Variants in ITPK1 observed in about 807,000 individuals in gnomAD.
ITPK1 encodes inositol 1,3,4-trisphosphate 5/6-kinase.
Under a neutral mutation model 45.3 loss-of-function variants are expected in ITPK1, and 21 were observed. The ratio of observed to expected loss-of-function variants is 0.46; its 90% CI spans 0.33 to 0.67. ITPK1 has a LOEUF of 0.67. ITPK1 is among the 30% of genes least tolerant of loss of function. The pLI is 0.02. For synonymous variants in ITPK1, 258 were observed against 253.6 expected, an observed-to-expected ratio of 1.02 and a Z score of -0.16; for missense variants, 474 against 573.5, an observed-to-expected ratio of 0.83 and a Z score of 1.77.
At chr14:93,040,277 G>A (rs1033712330) in intron 3 of ITPK1, among the ~76,000 whole-genome samples, 4 of 152,220 alleles carry the variant, frequency 2.6e-5, no homozygotes, top group Non-Finnish European at 5.9e-5. Flanking sequence ...CTGGGCTTCA[G>A]CTACATGAAG....
Position 92,940,619 on chromosome 14 carries a change from C to T in ITPK1, c.*942G>A. The T allele has an allele frequency of 4.1e-6, 5 of 1,221,264 alleles. No homozygotes were observed. Among genetic ancestry groups the T allele is most frequent in the Non-Finnish European group, 5.2e-6 (5 of 956,090 alleles). 75.7% of individuals were successfully genotyped at this position (1,221,264 alleles called of 1,614,324 possible). A position where few individuals can be genotyped will look rare whatever the true frequency, so the allele number is the denominator to read the frequency against. ...ATGCCGAGGCTCCCGCGCCTATCCT[C>T]ACCTAGGTGACTTTATGGAAAGGCA... On this transcript the variant is annotated 3_prime_UTR_variant, in exon 11 of 11. Coordinates refer to ENST00000267615, the MANE Select transcript of ITPK1 (RefSeq NM_014216.6).
intron 10 of ITPK1, 149 bp downstream of exon 10, chr14:92,946,182 G>C: frequency 1.1e-6 from 1 of 883,362 alleles, no homozygotes; most frequent in East Asian, 2.5e-5. Flanking sequence ...CGCAGGTGAG[G>C]CTGAGGCTTC....
chr14:92,941,442 T>TA lies in ITPK1; in HGVS notation c.*118dup, dbSNP rs968133711. ...GACATCAGAGAATCAGGTTAAAAATTAAAAAACAGAAGAATCAGATCACTG... is the reference window on the plus strand; with the variant it reads ...GACATCAGAGAATCAGGTTAAAAATTAAAAAAACAGAAGAATCAGATCACTG... On this transcript the variant is annotated 3_prime_UTR_variant, in exon 11 of 11. Coordinates refer to ENST00000267615, the MANE Select transcript of ITPK1 (RefSeq NM_014216.6). 1.7e-5 allele frequency: 24 copies of TA among 1,420,228 alleles called. No individual in the cohort carries two copies. In the African/African-American group the frequency reaches 2.4e-4, roughly 14 times the overall value. 88.0% of individuals were successfully genotyped at this position (1,420,228 alleles called of 1,614,324 possible).
intron 5 of ITPK1, among the ~76,000 whole-genome samples, chr14:92,993,670 A>G (rs1297861410): frequency 6.6e-6 from 1 of 152,184 alleles, no homozygotes; most frequent in Admixed American, 6.5e-5. Flanking sequence ...CCCTTCCGCA[A>G]GAGCACCCTG....
intron 5 of ITPK1, among the ~76,000 whole-genome samples, chr14:92,980,070 C>CA (rs1167682650): frequency 6.6e-6 from 1 of 152,182 alleles, no homozygotes; most frequent in East Asian, 1.9e-4. Context: ...TGTGAGCCAC[C>CA]ATGACAGGCC....
At chr14:93,031,451 A>G (rs548480851) in intron 3 of ITPK1, among the ~76,000 whole-genome samples, 1 of 152,342 alleles carries the variant, frequency 6.6e-6, no homozygotes, top group South Asian at 2.1e-4. Flanking sequence ...CGCTTCATAC[A>G]TGGCAGTTGC....
intron 4 of ITPK1, among the ~76,000 whole-genome samples, chr14:93,006,837 G>A (rs1051863917): frequency 1.3e-5 from 2 of 152,118 alleles, no homozygotes; most frequent in African/African-American, 4.8e-5. Context: ...CCTTTTTCCA[G>A]GCCTGCCACT....
intron 3 of ITPK1, among the ~76,000 whole-genome samples, chr14:93,075,552 C>T (rs768015178): frequency 6.6e-6 from 1 of 152,092 alleles, no homozygotes; most frequent in Non-Finnish European, 1.5e-5. Flanking sequence ...CCTTTACCAG[C>T]CCCACCCGTC....
At chr14:93,030,998 G>A (rs1256368250) in intron 3 of ITPK1, among the ~76,000 whole-genome samples, 1 of 152,224 alleles carries the variant, frequency 6.6e-6, no homozygotes, top group East Asian at 1.9e-4. Context: ...CCAGCAGGGA[G>A]AGATGGCTGG....
chr14:92,994,513 T>C (rs1276105933), intron 4 of ITPK1, among the ~76,000 whole-genome samples: 9 of 152,132 alleles, frequency 5.9e-5, no homozygotes, highest in Admixed American at 5.2e-4. Context: ...ACGAAGGAAA[T>C]GCAAGAGAAA....
At chr14:92,979,104 C>A (rs1886091565) in intron 5 of ITPK1, among the ~76,000 whole-genome samples, 1 of 152,218 alleles carries the variant, frequency 6.6e-6, no homozygotes, top group Admixed American at 6.5e-5. Flanking sequence ...GGATGTGAGA[C>A]ATGGAGTCAA....
Position 93,003,372 on chromosome 14 carries a change from G to A in ITPK1, c.247-9375C>T, listed in dbSNP as rs117141711. 9.6e-3 allele frequency among the ~76,000 whole-genome samples: 1,467 copies of A among 152,288 alleles called. 11 individuals are homozygous for A. Among genetic ancestry groups the A allele is most frequent in the Non-Finnish European group, 0.014 (919 of 68,026 alleles). Reference sequence around the variant, plus strand: ...AACTTGTCATCAACCAAGGCCAGCCGAACATCCCCCAGAAGAAGTCTTCCT... The same window carrying A: ...AACTTGTCATCAACCAAGGCCAGCCAAACATCCCCCAGAAGAAGTCTTCCT... On this transcript the variant is annotated intron_variant, in intron 4 of 10. Coordinates refer to ENST00000267615, the MANE Select transcript of ITPK1 (RefSeq NM_014216.6).
intron 2 of ITPK1, among the ~76,000 whole-genome samples, chr14:93,111,275 A>G (rs1211652000): frequency 6.6e-6 from 1 of 152,212 alleles, no homozygotes; most frequent in Non-Finnish European, 1.5e-5. Flanking sequence ...CACAGAAAAC[A>G]TGAGCTGAGG....
chr14:92,967,065 A>C (rs1000214846), intron 5 of ITPK1, among the ~76,000 whole-genome samples: 1 of 152,274 alleles, frequency 6.6e-6, no homozygotes, highest in Admixed American at 6.5e-5. Flanking sequence ...CTAAAAGCAA[A>C]AGCAACCCAA....
At chr14:93,027,818 C>T (rs1273557408) in intron 3 of ITPK1, among the ~76,000 whole-genome samples, 1 of 152,210 alleles carries the variant, frequency 6.6e-6, no homozygotes, top group African/African-American at 2.4e-5. Flanking sequence ...GGCCACCTGA[C>T]CCAGCTGCTT....
In ITPK1 at chr14:93,016,839, A is replaced by G. The variant is rs756527988; in HGVS notation, c.121-38T>C. 13 of 1,610,130 alleles carry G rather than the reference A, an allele frequency of 8.1e-6. No individual in the cohort carries two copies. The highest frequency in any genetic ancestry group is 2.7e-5 in the African/African-American group (2 of 74,886). On this transcript the variant is annotated intron_variant, in intron 3 of 10. Transcript: ENST00000267615. The surrounding 1 kb of genome is among the most constrained non-coding windows in gnomAD (Gnocchi z 5.0). The stretch of plus-strand genomic sequence containing the variant: ...GAACACAGACAAAAGCAACAACTTC[A>G]GCACCTGAGTCCACTGCCCCCATCC...
In ITPK1 at chr14:93,014,792, G is replaced by C. The variant is rs1386071398; in HGVS notation, c.246+1884C>G. The stretch of plus-strand genomic sequence containing the variant: ...AATCATTGAACCTTACAGCTCATGG[G>C]AGCAAGTGGGTCAACCGCCATGAAG... On this transcript the variant is annotated intron_variant, in intron 4 of 10. Coordinates refer to ENST00000267615, the MANE Select transcript of ITPK1 (RefSeq NM_014216.6). This position sits in a 1 kb window ranked among gnomAD's most constrained non-coding sequence, Gnocchi z 4.4. Among the ~76,000 whole-genome samples the C allele has an allele frequency of 6.6e-6, 1 of 152,254 alleles. No homozygotes were observed. The highest frequency in any genetic ancestry group is 1.9e-4 in the East Asian group (1 of 5,200).
chr14:92,954,646 G>A (rs1437611763), intron 8 of ITPK1, among the ~76,000 whole-genome samples: 1 of 152,196 alleles, frequency 6.6e-6, no homozygotes, highest in African/African-American at 2.4e-5. Context: ...TTTAAAAGAA[G>A]AATAAATGAT....
chr14:93,104,258 A>G (rs769567575), intron 2 of ITPK1, among the ~76,000 whole-genome samples: 4 of 152,242 alleles, frequency 2.6e-5, no homozygotes, highest in Non-Finnish European at 5.9e-5. Flanking sequence ...GGCCAAGTTG[A>G]GCAGATCACC....
Sources: allele counts gnomAD v4.1 joint callset (sites outside exome capture counted in the v4.1 genomes callset), GRCh38; gene constraint gnomAD v4.1.1; non-coding constraint Gnocchi (gnomAD v3.1); transcripts MANE v1.5; gene names NCBI Gene and HGNC (gene_info 2026-07-23, HGNC 2026-07-21).